BRINP1: variants seen among roughly 807,000 people sequenced by gnomAD.
BRINP1 encodes BMP/retinoic acid inducible neural specific 1.
Under a neutral mutation model 72.9 loss-of-function variants are expected in BRINP1, and 17 were observed. The ratio of observed to expected loss-of-function variants is 0.23; its 90% confidence interval spans 0.16 to 0.35. The LOEUF (loss-of-function observed/expected upper bound fraction) is 0.35, where lower values mean the gene tolerates loss of function less well. Among genes scored for constraint, BRINP1 ranks in the 10% least tolerant of loss-of-function variants. The pLI, the probability that BRINP1 is intolerant of heterozygous loss-of-function variation, is 1.00. For synonymous variants in BRINP1, 418 were observed against 378.5 expected (o/e 1.10, Z -1.21); for missense variants, 850 against 1,001.6 (o/e 0.85, Z 2.04).
intron 1 of BRINP1, among the ~76,000 whole-genome samples, chr9:119,367,992 G>C (rs957811570): frequency 2.8e-4 from 43 of 152,314 alleles, no homozygotes; most frequent in African/African-American, 1.0e-3. Context: ...ATCTGTCTTA[G>C]GAAAGTGCCC....
intron 1 of BRINP1, 61 bp from the exon 2 acceptor site, chr9:119,313,466 A>G: frequency 7.0e-7 from 1 of 1,422,664 alleles, no homozygotes; most frequent in Non-Finnish European, 9.3e-7. Context: ...GAGAGAGGAG[A>G]GGGGAAGAGG....
chr9:119,307,498 T>G (rs1215192331), intron 2 of BRINP1, among the ~76,000 whole-genome samples: 1 of 151,258 alleles, frequency 6.6e-6, no homozygotes, highest in Non-Finnish European at 1.5e-5. Context: ...GAACAAAAGG[T>G]TTGTGATGAG....
chr9:119,231,749 T>C (rs1413600868), intron 5 of BRINP1, among the ~76,000 whole-genome samples: 1 of 152,014 alleles, frequency 6.6e-6, no homozygotes, highest in Admixed American at 6.6e-5. Flanking sequence ...GATTCTATAC[T>C]CTCTTGTCTC....
At chr9:119,228,742 G>A (rs985820284) in intron 5 of BRINP1, among the ~76,000 whole-genome samples, 1 of 152,054 alleles carries the variant, frequency 6.6e-6, no homozygotes, top group Non-Finnish European at 1.5e-5. Context: ...GATTGCGCGT[G>A]TTGGTTATTA....
intron 2 of BRINP1, among the ~76,000 whole-genome samples, chr9:119,291,856 C>T (rs957697555): frequency 4.6e-5 from 7 of 152,162 alleles, no homozygotes; most frequent in African/African-American, 1.7e-4. Context: ...ATAATAGGTA[C>T]AGCCATGACC....
chr9:119,198,053 C>T (rs183244139), intron 7 of BRINP1, among the ~76,000 whole-genome samples: 59 of 152,156 alleles, frequency 3.9e-4, no homozygotes, highest in African/African-American at 1.3e-3. Context: ...TGAAATGTTA[C>T]GCAATTATGG....
chr9:119,327,416 T>C (rs887312494), intron 1 of BRINP1, among the ~76,000 whole-genome samples: 2 of 152,152 alleles, frequency 1.3e-5, no homozygotes, highest in African/African-American at 4.8e-5. Flanking sequence ...ATTGGGTAGG[T>C]ACTGAATCAA....
chr9:119,180,896 A>C (rs1829549143), intron 7 of BRINP1, among the ~76,000 whole-genome samples: 1 of 152,182 alleles, frequency 6.6e-6, no homozygotes, highest in Non-Finnish European at 1.5e-5. Context: ...GAGAGGGCAG[A>C]GGAAGATGGA....
Position 119,236,631 on chromosome 9 carries a change from G to C in BRINP1, c.685+2024C>G. Among the ~76,000 whole-genome samples the C allele has an allele frequency of 1.3e-5, 2 of 152,100 alleles. 1 individual carries two copies. The highest frequency in any genetic ancestry group is 4.1e-4 in the South Asian group (2 of 4,824). On this transcript the variant is annotated intron_variant, in intron 5 of 7. Coordinates refer to ENST00000265922, the MANE Select transcript of BRINP1 (RefSeq NM_014618.3). Reference sequence around the variant, plus strand: ...CAGCAGGGTGATCAAACACAGACTGGAGCTTCACTGCCTGGATTCAAATCC... The same window carrying C: ...CAGCAGGGTGATCAAACACAGACTGCAGCTTCACTGCCTGGATTCAAATCC...
intron 7 of BRINP1, among the ~76,000 whole-genome samples, chr9:119,192,812 A>G (rs1829695968): frequency 1.3e-5 from 2 of 152,136 alleles, no homozygotes; most frequent in African/African-American, 4.8e-5. Context: ...TAACTGCAAT[A>G]TTATTCACAA....
chr9:119,339,995 TC>T (rs1267962101), intron 1 of BRINP1, among the ~76,000 whole-genome samples: 1 of 151,900 alleles, frequency 6.6e-6, no homozygotes, highest in African/African-American at 2.4e-5. Flanking sequence ...TCCCTGCCCC[TC>T]CCCAAGCTCC....
intron 2 of BRINP1, among the ~76,000 whole-genome samples, chr9:119,255,417 G>T (rs1207446719): frequency 6.6e-6 from 1 of 152,226 alleles, no homozygotes; most frequent in Non-Finnish European, 1.5e-5. Flanking sequence ...GGAGCCAGAG[G>T]TGGGAGGGCA....
chr9:119,336,690 G>C (rs1831348490), intron 1 of BRINP1, among the ~76,000 whole-genome samples: 1 of 152,128 alleles, frequency 6.6e-6, no homozygotes, highest in South Asian at 2.1e-4. Context: ...GGCTCTTCCT[G>C]GTCTGCTCTC....
chr9:119,333,418 G>A (rs547763897), intron 1 of BRINP1, among the ~76,000 whole-genome samples: 3 of 146,520 alleles, frequency 2.0e-5, no homozygotes, highest in East Asian at 2.0e-4. Context: ...AGCCAAGATC[G>A]TGCCACTGCA....
At chr9:119,308,042 G>A (rs965251613) in intron 2 of BRINP1, among the ~76,000 whole-genome samples, 5 of 152,076 alleles carry the variant, frequency 3.3e-5, no homozygotes, top group Non-Finnish European at 7.4e-5. Flanking sequence ...GCATCAGTTG[G>A]AATAATTTCT....
At chr9:119,292,882 A>ATTCTC (rs1830836504) in intron 2 of BRINP1, among the ~76,000 whole-genome samples, 2 of 152,206 alleles carry the variant, frequency 1.3e-5, no homozygotes, top group Admixed American at 6.5e-5. Context: ...AAGGTCAAGA[A>ATTCTC]CCACAGGAAT....
At position 119,249,113 on chromosome 9, in the gene BRINP1, C is replaced by T. The variant is rs750600271; in HGVS notation, c.256G>A (p.Glu86Lys). The T allele has an allele frequency of 1.7e-5, 27 of 1,613,926 alleles. No homozygotes were observed. Among genetic ancestry groups the T allele is most frequent in the East Asian group, 2.2e-5 (1 of 44,888 alleles). The change falls in exon 3 of 8, where the codon GAG (glutamate) becomes AAG (lysine). Residue 86 changes from glutamate to lysine, a missense_variant. By Grantham distance (56) the Glu-to-Lys change is moderately conservative. Transcript: ENST00000265922. The part of the protein sequence containing the change: ...ARWKVRNTAI[E>K]RRDLVRHPVP... ...GGATGGCGGACCAGATCTCTCCTCT[C>T]GATGGCTGTGTTCCTCACCTTCCAA... is the stretch of plus-strand genomic sequence containing the variant.
At position 119,265,722 on chromosome 9, in the gene BRINP1, T is replaced by C. The variant is rs540096886; in HGVS notation, c.219-16572A>G. Among the ~76,000 whole-genome samples the C allele has an allele frequency of 7.9e-5, 12 of 152,322 alleles. No homozygotes were observed. The South Asian group carries it at 2.5e-3, about 32-fold the overall frequency. On this transcript the variant is annotated intron_variant, in intron 2 of 7. Coordinates refer to ENST00000265922, the MANE Select transcript of BRINP1 (RefSeq NM_014618.3). ...ACTTGCTATTCATTCTTTCAATCAG[T>C]ACCTTTTTTTAAAACATTTATGTTA... is the stretch of plus-strand genomic sequence containing the variant.
rs1830841572 is a variant in BRINP1, at chr9:119,293,410, TA to T, written c.218+19727del. Reference sequence around the variant, plus strand: ...AATAAGGTGAGATATATTTGCATATTAGCAAGACTCTTCTCCATTCTCCTTT... The same window carrying T: ...AATAAGGTGAGATATATTTGCATATTGCAAGACTCTTCTCCATTCTCCTTT... On this transcript the variant is annotated intron_variant, in intron 2 of 7. Transcript: ENST00000265922. Among the ~76,000 whole-genome samples the T allele has an allele frequency of 6.6e-5, 10 of 152,330 alleles. No individual in the cohort carries two copies. The South Asian group carries it at 2.1e-3, about 32-fold the overall frequency.
Sources: gnomAD v4.1 joint callset for allele counts (sites outside exome capture counted in the v4.1 genomes callset) on GRCh38, gnomAD v4.1.1 for gene constraint, MANE v1.5 for transcripts, NCBI Gene and HGNC (gene_info 2026-07-23, HGNC 2026-07-21) for gene names.